POC5: variants seen among roughly 807,000 people sequenced by gnomAD.
The protein encoded by POC5 is POC5 centriolar protein, also known as centrosomal protein POC5.
POC5 carries 48 observed loss-of-function variants against 62.9 expected under a neutral mutation model. The ratio of observed to expected loss-of-function variants is 0.76; its 90% confidence interval spans 0.61 to 0.97. POC5 has a LOEUF of 0.97. Among genes scored for constraint, POC5 ranks in the 50% least tolerant of loss-of-function variants. The pLI is 0.00. For synonymous variants in POC5, 236 were observed against 228.2 expected, an observed-to-expected ratio of 1.03 and a Z score of -0.31; for missense variants, 696 against 679.5, an observed-to-expected ratio of 1.02 and a Z score of -0.27.
chr5:75,690,344 TGTATTAGAAGAAA>T (rs1561467617), intron 8 of POC5, 26 bp downstream of exon 8: 2 of 1,515,016 alleles, frequency 1.3e-6, no homozygotes, highest in Admixed American at 4.5e-5. Context: ...ATCTTTTTAT[TGTATTAGAAGAAA>T]GTGAAAACCA....
Position 75,690,497 on chromosome 5 carries a change from G to T in POC5, c.861C>A (p.Val287=). ...QRTLLKKVWK[V]WRSVVQKQWK... is the part of the protein sequence containing the mutation. ...ACTGCTTTTGCACTACGGAACGCCAGACTTTCCAGACTTTCTTCAGTAAAG... is the reference window on the plus strand; with the variant it reads ...ACTGCTTTTGCACTACGGAACGCCATACTTTCCAGACTTTCTTCAGTAAAG... The change falls in exon 8 of 12, where the codon GTC becomes GTA. Residue 287 remains valine (V), a synonymous_variant. Transcript: ENST00000428202. 2 of 1,605,486 alleles carry T rather than the reference G, an allele frequency of 1.2e-6. No homozygotes were observed. Among genetic ancestry groups the T allele is most frequent in the Non-Finnish European group, 1.7e-6 (2 of 1,175,250 alleles).
rs977369025 is a variant in POC5, at chr5:75,699,722, A to G, written c.513+2883T>C. Among the ~76,000 whole-genome samples, 20 of 147,038 alleles carry G rather than the reference A, an allele frequency of 1.4e-4. 1 individual carries two copies. Among genetic ancestry groups the G allele is most frequent in the African/African-American group, 4.2e-4 (17 of 40,142 alleles). Reference sequence around the variant, plus strand: ...AGTGTTGGAAGTTCTGGCCAGGGCAATCAGGCAGGAGAAGGAAATAAAGGG... The same window carrying G: ...AGTGTTGGAAGTTCTGGCCAGGGCAGTCAGGCAGGAGAAGGAAATAAAGGG... On this transcript the variant is annotated intron_variant, in intron 5 of 11. Transcript: ENST00000428202.
intron 1 of POC5, among the ~76,000 whole-genome samples, chr5:75,713,506 T>C (rs899918468): frequency 6.6e-6 from 1 of 152,204 alleles, no homozygotes; most frequent in African/African-American, 2.4e-5. Flanking sequence ...ATACCAGTAA[T>C]ATGTAAGACA....
chr5:75,711,585 AT>A (rs986967581), intron 2 of POC5, among the ~76,000 whole-genome samples: 3 of 151,768 alleles, frequency 2.0e-5, no homozygotes, highest in African/African-American at 7.3e-5. Flanking sequence ...TATTTTTAAG[AT>A]TTTTTTTTGT....
chr5:75,705,566 C>T (rs1777080982), intron 4 of POC5, 138 bp downstream of exon 4: 1 of 554,938 alleles, frequency 1.8e-6, no homozygotes, highest in East Asian at 3.2e-5. Context: ...AATATTATCA[C>T]TTAAATTAGC....
chr5:75,681,593 AT>A (rs1160649768), intron 10 of POC5, among the ~76,000 whole-genome samples: 1 of 150,314 alleles, frequency 6.7e-6, no homozygotes, highest in Non-Finnish European at 1.5e-5. Flanking sequence ...TAATATTATT[AT>A]TTTTTAAATA....
At chr5:75,687,094 G>A (rs898695785) in intron 9 of POC5, among the ~76,000 whole-genome samples, 6 of 151,914 alleles carry the variant, frequency 3.9e-5, no homozygotes, top group African/African-American at 1.5e-4. Context: ...GCAGTGGCAT[G>A]ATCTCAGCTC....
rs377460323 is a variant in POC5 at position 75,707,900 on chromosome 5, T to G, written c.85-25A>C. ...CCTAAGAGAGGCCAATAATCAATAATGTAGTGTAACAGTTACAATGTTATA... is the reference window on the plus strand; with the variant it reads ...CCTAAGAGAGGCCAATAATCAATAAGGTAGTGTAACAGTTACAATGTTATA... On this transcript the variant is annotated intron_variant, in intron 2 of 11. Transcript: ENST00000428202. 42 of 1,546,270 alleles carry G rather than the reference T, an allele frequency of 2.7e-5. No homozygotes were observed. The African/African-American group carries it at 5.6e-4, about 21-fold the overall frequency.
chr5:75,710,586 G>T (rs1453367853), intron 2 of POC5, among the ~76,000 whole-genome samples: 1 of 152,202 alleles, frequency 6.6e-6, no homozygotes, highest in Non-Finnish European at 1.5e-5. Context: ...GCACCTGTCT[G>T]CAATCCACAA....
At chr5:75,705,886 G>T (rs1363626625) in intron 3 of POC5, 99 bp from the exon 4 acceptor site, 3 of 682,470 alleles carry the variant, frequency 4.4e-6, no homozygotes, top group Non-Finnish European at 4.7e-6. Context: ...TAATATTTTA[G>T]AACAAACAAA....
At chr5:75,693,413 G>A (rs1333254490) in intron 6 of POC5, among the ~76,000 whole-genome samples, 1 of 151,932 alleles carries the variant, frequency 6.6e-6, no homozygotes, top group East Asian at 1.9e-4. Context: ...TTTCCAGAGA[G>A]GAAAAGGGCA....
At chr5:75,698,645 A>G (rs1312257045) in intron 5 of POC5, among the ~76,000 whole-genome samples, 1 of 152,178 alleles carries the variant, frequency 6.6e-6, no homozygotes, top group Non-Finnish European at 1.5e-5. Flanking sequence ...CCCTAACTTC[A>G]CAATTAAAAG....
intron 2 of POC5, chr5:75,712,161 C>T (rs890121864): frequency 2.2e-5 from 5 of 230,046 alleles, no homozygotes; most frequent in South Asian, 3.2e-4. Context: ...TTTCTCATAT[C>T]GTACAGAATC....
At chr5:75,688,807 G>A (rs1414929761) in intron 9 of POC5, among the ~76,000 whole-genome samples, 2 of 152,164 alleles carry the variant, frequency 1.3e-5, no homozygotes, top group Non-Finnish European at 2.9e-5. Flanking sequence ...TACTTGATCA[G>A]ATCTAAGATA....
chr5:75,677,052 G>A (rs2216572), intron 11 of POC5, among the ~76,000 whole-genome samples: 31,809 of 151,912 alleles, frequency 0.21, 5,093 homozygotes, highest in African/African-American at 0.43. Flanking sequence ...AATACATCTC[G>A]TTTAATTTTC....
chr5:75,690,773 G>A (rs1346489395), intron 7 of POC5, among the ~76,000 whole-genome samples: 3 of 152,196 alleles, frequency 2.0e-5, no homozygotes, highest in Non-Finnish European at 4.4e-5. Flanking sequence ...AGCCAGACTT[G>A]CCTGACTCCA....
intron 10 of POC5, among the ~76,000 whole-genome samples, chr5:75,679,525 C>G (rs1417451954): frequency 6.6e-6 from 1 of 152,072 alleles, no homozygotes; most frequent in Non-Finnish European, 1.5e-5. Flanking sequence ...TTGGAAGACC[C>G]TATGGAAAAC....
intron 9 of POC5, 118 bp downstream of exon 9, chr5:75,688,894 A>G: frequency 1.0e-6 from 1 of 1,004,790 alleles, no homozygotes; most frequent in Non-Finnish European, 1.3e-6. Flanking sequence ...TAAGAATAGC[A>G]GCACCTGGAT....
chr5:75,715,347 G>A (rs2112225748), intron 1 of POC5, among the ~76,000 whole-genome samples: 2 of 150,870 alleles, frequency 1.3e-5, no homozygotes, highest in Middle Eastern at 3.4e-3. Flanking sequence ...CCCAAAACTG[G>A]GTAATTTATA....
Sources: gnomAD v4.1 joint callset for allele counts (sites outside exome capture counted in the v4.1 genomes callset) on GRCh38, gnomAD v4.1.1 for gene constraint, MANE v1.5 for transcripts, NCBI Gene and HGNC (gene_info 2026-07-23, HGNC 2026-07-21) for gene names.